PJA2: variants seen among roughly 807,000 people sequenced by gnomAD.
The protein encoded by PJA2 is E3 ubiquitin-protein ligase Praja-2.
PJA2 carries 25 observed loss-of-function variants against 69.3 expected under a neutral mutation model. That is an observed-to-expected ratio of 0.36 (90% CI 0.26 to 0.50). The LOEUF (loss-of-function observed/expected upper bound fraction) is 0.50. PJA2 is among the 20% of genes least tolerant of loss of function. The pLI, the probability that PJA2 is intolerant of heterozygous loss-of-function variation, is 0.96. For missense variants in PJA2, 809 were observed against 830.2 expected (o/e 0.97, Z 0.31); for synonymous variants, 308 against 277.8 (o/e 1.11, Z -1.08).
chr5:109,342,168 C>T (rs1178478792), intron 9 of PJA2, among the ~76,000 whole-genome samples: 12 of 102,788 alleles, frequency 1.2e-4, no homozygotes, highest in Non-Finnish European at 1.9e-4. Flanking sequence ...GCCCCCCGCC[C>T]GGCCAGCCGC....
intron 1 of PJA2, among the ~76,000 whole-genome samples, chr5:109,407,167 A>T (rs968280001): frequency 6.6e-6 from 1 of 152,228 alleles, no homozygotes; most frequent in Non-Finnish European, 1.5e-5. Flanking sequence ...AACAAAATAC[A>T]CTGTACATTT....
intron 7 of PJA2, among the ~76,000 whole-genome samples, chr5:109,347,539 C>A (rs944355967): frequency 5.3e-5 from 8 of 152,344 alleles, no homozygotes; most frequent in Admixed American, 3.3e-4. Context: ...TTGTACTCAT[C>A]TTAGGTGGTT....
intron 1 of PJA2, among the ~76,000 whole-genome samples, chr5:109,405,587 C>G (rs775172130): frequency 3.9e-5 from 6 of 152,180 alleles, no homozygotes; most frequent in Non-Finnish European, 8.8e-5. Flanking sequence ...AGTACAGGAA[C>G]AGATTTACAT....
At chr5:109,403,756 T>A in intron 1 of PJA2, among the ~76,000 whole-genome samples, 1 of 108,092 alleles carries the variant, frequency 9.3e-6, no homozygotes, top group African/African-American at 3.9e-5. Flanking sequence ...CAACATCCAC[T>A]CATGATTTAA....
At chr5:109,408,572 T>C (rs1747748732) in intron 1 of PJA2, among the ~76,000 whole-genome samples, 1 of 152,204 alleles carries the variant, frequency 6.6e-6, no homozygotes, top group African/African-American at 2.4e-5. Context: ...TGTATGTGTC[T>C]AGAAGTGCAT....
chr5:109,373,907 A>AAC (rs1406687908), intron 4 of PJA2, among the ~76,000 whole-genome samples: 10 of 152,218 alleles, frequency 6.6e-5, no homozygotes, highest in African/African-American at 9.6e-5. Flanking sequence ...AAAACCAACC[A>AAC]AAAGTAATCT....
intron 9 of PJA2, among the ~76,000 whole-genome samples, chr5:109,343,864 G>A (rs1442646930): frequency 6.6e-6 from 1 of 152,158 alleles, no homozygotes; most frequent in Non-Finnish European, 1.5e-5. Context: ...GGGAGGCTGA[G>A]GCAGGCGGAT....
intron 1 of PJA2, among the ~76,000 whole-genome samples, chr5:109,394,922 G>A (rs1478414634): frequency 1.3e-5 from 2 of 152,160 alleles, no homozygotes; most frequent in Admixed American, 1.3e-4. Flanking sequence ...GGGGTGAATA[G>A]TAGAAAAGAG....
intron 1 of PJA2, chr5:109,390,608 C>T (rs1260971095): frequency 6.6e-6 from 1 of 151,934 alleles, no homozygotes; most frequent in East Asian, 1.9e-4. Flanking sequence ...TTTAAATCTA[C>T]CATCTTGCTA....
At chr5:109,388,358 T>G (rs962840783) in intron 1 of PJA2, among the ~76,000 whole-genome samples, 1 of 152,180 alleles carries the variant, frequency 6.6e-6, no homozygotes, top group African/African-American at 2.4e-5. Flanking sequence ...AGCCTACATT[T>G]GACTGCAACC....
chr5:109,388,852 C>T (rs1018958533), intron 1 of PJA2, among the ~76,000 whole-genome samples: 61 of 152,202 alleles, frequency 4.0e-4, no homozygotes, highest in African/African-American at 1.5e-3. Flanking sequence ...AATTAACTTA[C>T]CCTGCATTTC....
In PJA2 at chr5:109,334,836, C is replaced by A. The variant is rs1257321370; in HGVS notation, c.*2395G>T. ...CCTGGGCTTTTGAAAAACTTGCATT[C>A]CATTTTAACAATTCGTATGTATCTA... On this transcript the variant is annotated 3_prime_UTR_variant, in exon 10 of 10. Transcript: ENST00000361189. 6.6e-6 allele frequency: 1 copy of A among 152,524 alleles called. No homozygotes were observed. Among genetic ancestry groups the A allele is most frequent in the African/African-American group, 2.4e-5 (1 of 41,402 alleles). The allele number at this position is 152,524 out of a possible 1,614,324, so 9.4% of individuals were successfully genotyped here.
intron 1 of PJA2, among the ~76,000 whole-genome samples, chr5:109,406,000 A>T (rs191112974): frequency 2.6e-5 from 4 of 151,436 alleles, no homozygotes; most frequent in Non-Finnish European, 5.9e-5. Context: ...TTGTATAAAG[A>T]ATGTATTAAA....
At chr5:109,381,383 T>C (rs1391596870) in intron 3 of PJA2, 120 bp downstream of exon 3, 2 of 666,092 alleles carry the variant, frequency 3.0e-6, no homozygotes, top group Non-Finnish European at 2.5e-6. Flanking sequence ...TAGAATTTCT[T>C]GATAGGAAGT....
At chr5:109,360,866 AC>A (rs140066488) in intron 6 of PJA2, among the ~76,000 whole-genome samples, 4,616 of 152,262 alleles carry the variant, frequency 0.03, 92 homozygotes, top group Middle Eastern at 0.048. Flanking sequence ...GGTGGCTCAC[AC>A]CTGTAATCCC....
chr5:109,340,842 G>A (rs1762039800), intron 9 of PJA2, among the ~76,000 whole-genome samples: 1 of 103,926 alleles, frequency 9.6e-6, no homozygotes, highest in African/African-American at 3.0e-5. Flanking sequence ...GGGTTTCGCT[G>A]TGTTGGCCGG....
intron 7 of PJA2, 43 bp downstream of exon 7, chr5:109,355,871 GT>G: frequency 7.4e-7 from 1 of 1,344,814 alleles, no homozygotes; most frequent in Non-Finnish European, 1.0e-6. Flanking sequence ...TTATCATTTT[GT>G]ATCCCATCAA....
At chr5:109,392,334 G>T (rs938420689) in intron 1 of PJA2, among the ~76,000 whole-genome samples, 2 of 115,474 alleles carry the variant, frequency 1.7e-5, no homozygotes, top group African/African-American at 5.0e-5. Flanking sequence ...GCCGAGGCGG[G>T]TGGATCACTG....
chr5:109,357,925 A>G (rs931945828), intron 6 of PJA2, among the ~76,000 whole-genome samples: 4 of 152,250 alleles, frequency 2.6e-5, no homozygotes, highest in Non-Finnish European at 5.9e-5. Context: ...CACTCAAAGC[A>G]TAATATCAAG....
Sources: gnomAD v4.1 joint callset for allele counts (sites outside exome capture counted in the v4.1 genomes callset) on GRCh38, gnomAD v4.1.1 for gene constraint, MANE v1.5 for transcripts, NCBI Gene and HGNC (gene_info 2026-07-23, HGNC 2026-07-21) for gene names.